The following KCNJ6 variants were observed in gnomAD, a reference collection of about 807,000 sequenced individuals.
The protein encoded by KCNJ6 is G protein-activated inward rectifier potassium channel 2.
Under a neutral mutation model 34.2 loss-of-function variants are expected in KCNJ6, and 9 were observed. The ratio of observed to expected loss-of-function variants is 0.26; its 90% CI spans 0.16 to 0.46. KCNJ6 has a LOEUF of 0.46. KCNJ6 is among the 20% of genes least tolerant of loss of function. The pLI, the probability that KCNJ6 is intolerant of heterozygous loss-of-function variation, is 1.00. For missense variants in KCNJ6, 236 were observed against 531.3 expected (o/e 0.44, Z 5.46); for synonymous variants, 196 against 207.1 (o/e 0.95, Z 0.46).
intron 2 of KCNJ6, among the ~76,000 whole-genome samples, chr21:37,762,491 C>A (rs901235228): frequency 6.6e-6 from 1 of 152,222 alleles, no homozygotes; most frequent in African/African-American, 2.4e-5. Context: ...AAGAAATCCA[C>A]AGGTGCTGGC....
At chr21:37,830,980 A>G (rs1212494764) in intron 2 of KCNJ6, among the ~76,000 whole-genome samples, 1 of 152,166 alleles carries the variant, frequency 6.6e-6, no homozygotes, top group Non-Finnish European at 1.5e-5. Context: ...GGCAGCAAAT[A>G]AAAACTACAG....
chr21:37,755,582 C>T (rs1334005359), intron 2 of KCNJ6, among the ~76,000 whole-genome samples: 1 of 152,212 alleles, frequency 6.6e-6, no homozygotes, highest in Admixed American at 6.5e-5. Flanking sequence ...TGAGGGGCAA[C>T]TGAAGGAAGA....
chr21:37,621,863 A>G lies in KCNJ6; in HGVS notation c.*3296T>C, dbSNP rs1204445860. ...AGGAACAGAAAAGTTGACATTTGCT[A>G]TGTTAATGTAAAAGAGTATAGCTTA... On this transcript the variant is annotated 3_prime_UTR_variant, in exon 4 of 4. Coordinates refer to ENST00000609713, the MANE Select transcript of KCNJ6 (RefSeq NM_002240.5). 1 of 152,264 alleles carries G rather than the reference A, an allele frequency of 6.6e-6. No individual in the cohort carries two copies. The highest frequency in any genetic ancestry group is 1.5e-5 in the Non-Finnish European group (1 of 68,058). The allele number at this position is 152,264 out of a possible 1,614,324, so 9.4% of individuals were successfully genotyped here.
intron 3 of KCNJ6, among the ~76,000 whole-genome samples, chr21:37,707,735 G>GTGTGTGTATGTGTGCATGTGT (rs1267356647): frequency 2.8e-4 from 42 of 149,676 alleles, no homozygotes; most frequent in Middle Eastern, 3.2e-3. Flanking sequence ...GTGTGTGTGT[G>GTGTGTGTATGTGTGCATGTGT]AATAATTTAC....
chr21:37,655,818 C>T (rs925139049), intron 3 of KCNJ6, among the ~76,000 whole-genome samples: 14 of 152,144 alleles, frequency 9.2e-5, no homozygotes, highest in Non-Finnish European at 1.6e-4. Flanking sequence ...AGGAGCAAGA[C>T]GAAGCCACGG....
intron 2 of KCNJ6, among the ~76,000 whole-genome samples, chr21:37,724,840 AATG>A (rs1390566319): frequency 6.6e-6 from 1 of 152,144 alleles, no homozygotes; most frequent in Non-Finnish European, 1.5e-5. Flanking sequence ...CTGGAAAAAA[AATG>A]ATGAGTCTTC....
chr21:37,673,461 C>G (rs1263174928), intron 3 of KCNJ6, among the ~76,000 whole-genome samples: 1 of 152,254 alleles, frequency 6.6e-6, no homozygotes, highest in Non-Finnish European at 1.5e-5. Flanking sequence ...TCCAGGCTTC[C>G]TTTTCTCAGG....
At chr21:37,721,838 G>C (rs975965238) in intron 2 of KCNJ6, among the ~76,000 whole-genome samples, 3 of 152,226 alleles carry the variant, frequency 2.0e-5, no homozygotes, top group African/African-American at 7.2e-5. Flanking sequence ...CTTGGGTGTA[G>C]AGCAGGATGG....
chr21:37,897,905 C>T (rs917331981), intron 1 of KCNJ6, among the ~76,000 whole-genome samples: 2 of 152,208 alleles, frequency 1.3e-5, no homozygotes, highest in African/African-American at 2.4e-5. Context: ...CCCCTATTTG[C>T]TACGGGAGTA....
Position 37,675,383 on chromosome 21 carries a change from C to A in KCNJ6, c.946+38828G>T, listed in dbSNP as rs1046111688. ...TAAGAAACTGCGCCGGGCTGGGCAG[C>A]CGACGCACCGCTAGGTGGCGCACGC... On this transcript the variant is annotated intron_variant, in intron 3 of 3. Coordinates refer to ENST00000609713, the MANE Select transcript of KCNJ6 (RefSeq NM_002240.5). The surrounding 1 kb of genome is among the most constrained non-coding windows in gnomAD (Gnocchi z 4.2). Among the ~76,000 whole-genome samples the A allele has an allele frequency of 6.6e-6, 1 of 152,232 alleles. No individual in the cohort carries two copies. The highest frequency in any genetic ancestry group is 6.5e-5 in the Admixed American group (1 of 15,290).
chr21:37,801,573 CACTGGGTAACGCTG>C lies in KCNJ6; in HGVS notation c.25+39071_25+39084del, dbSNP rs1288360868. Among the ~76,000 whole-genome samples the C allele has an allele frequency of 3.3e-5, 5 of 152,300 alleles. No individual in the cohort carries two copies. The East Asian group carries it at 9.7e-4, about 29-fold the overall frequency. On this transcript the variant is annotated intron_variant, in intron 2 of 3. Coordinates refer to ENST00000609713, the MANE Select transcript of KCNJ6 (RefSeq NM_002240.5). Reference sequence around the variant, plus strand: ...GGTCTCTACTTGTGCTTTTCTCCATCACTGGGTAACGCTGAGCGAATATGTCTCCCTGACTCAGC... The same window carrying C: ...GGTCTCTACTTGTGCTTTTCTCCATCAGCGAATATGTCTCCCTGACTCAGC...
At position 37,717,431 on chromosome 21, in the gene KCNJ6, G is replaced by T. The variant is rs2054798874; in HGVS notation, c.26-2300C>A. Among the ~76,000 whole-genome samples the T allele has an allele frequency of 2.0e-5, 3 of 151,396 alleles. No homozygotes were observed. The East Asian group carries it at 6.3e-4, about 32-fold the overall frequency. On this transcript the variant is annotated intron_variant, in intron 2 of 3. Coordinates refer to ENST00000609713, the MANE Select transcript of KCNJ6 (RefSeq NM_002240.5). Reference sequence around the variant, plus strand: ...GTCCTTCTCACTGGAGATGGGGTGGGTGTATGGATGGAGGCAAAGGCCATG... The same window carrying T: ...GTCCTTCTCACTGGAGATGGGGTGGTTGTATGGATGGAGGCAAAGGCCATG...
intron 1 of KCNJ6, among the ~76,000 whole-genome samples, chr21:37,847,764 G>A (rs9982589): frequency 0.26 from 39,017 of 149,478 alleles, 6,177 homozygotes; most frequent in South Asian, 0.39. Context: ...GAGAGGGAGA[G>A]AGAGAGGAGA....
At chr21:37,670,481 T>C (rs987097457) in intron 3 of KCNJ6, among the ~76,000 whole-genome samples, 2 of 152,170 alleles carry the variant, frequency 1.3e-5, no homozygotes, top group Non-Finnish European at 2.9e-5. Context: ...ATATTAAGCC[T>C]GGGCTGAGTG....
At chr21:37,689,115 C>T (rs1452948019) in intron 3 of KCNJ6, among the ~76,000 whole-genome samples, 1 of 152,066 alleles carries the variant, frequency 6.6e-6, no homozygotes, top group African/African-American at 2.4e-5. Context: ...TCTCTCTGTT[C>T]CTCTATCTAT....
At chr21:37,819,487 C>A (rs1365982147) in intron 2 of KCNJ6, among the ~76,000 whole-genome samples, 1 of 151,690 alleles carries the variant, frequency 6.6e-6, no homozygotes, top group Non-Finnish European at 1.5e-5. Flanking sequence ...TCTGAAAGGA[C>A]ATTATGTATT....
intron 3 of KCNJ6, among the ~76,000 whole-genome samples, chr21:37,678,764 C>T (rs1033194105): frequency 1.3e-5 from 2 of 152,162 alleles, no homozygotes; most frequent in Admixed American, 6.5e-5. Flanking sequence ...GAGAGACCCA[C>T]GTAAACTCAG....
rs1452892726 is a variant in KCNJ6, at chr21:37,722,061, CA to C, written c.26-6931del. ...ACCTAAAAAATACTAAAGACTCTGC[CA>C]AAAGGCTCCTGGAACTGATAAACAA... On this transcript the variant is annotated intron_variant, in intron 2 of 3. Coordinates refer to ENST00000609713, the MANE Select transcript of KCNJ6 (RefSeq NM_002240.5). Among the ~76,000 whole-genome samples the C allele has an allele frequency of 3.9e-5, 6 of 152,240 alleles. No homozygotes were observed. The East Asian group carries it at 1.2e-3, about 29-fold the overall frequency.
chr21:37,891,984 A>T (rs1239415389), intron 1 of KCNJ6, among the ~76,000 whole-genome samples: 1 of 152,172 alleles, frequency 6.6e-6, no homozygotes, highest in Non-Finnish European at 1.5e-5. Context: ...TGGCAATAAG[A>T]AGACAAAGAT....
Sources: allele counts gnomAD v4.1 joint callset (sites outside exome capture counted in the v4.1 genomes callset), GRCh38; gene constraint gnomAD v4.1.1; non-coding constraint Gnocchi (gnomAD v3.1); transcripts MANE v1.5; gene names NCBI Gene and HGNC (gene_info 2026-07-23, HGNC 2026-07-21).